PHKG1: variants seen among roughly 807,000 people sequenced by gnomAD.
PHKG1 encodes the protein phosphorylase b kinase gamma catalytic chain, skeletal muscle/heart isoform.
A neutral mutation model predicts 50.5 loss-of-function variants in PHKG1; 48 were observed. The observed-to-expected ratio is 0.95, with a 90% CI of 0.75 to 1.21. PHKG1 has a LOEUF of 1.21. Among genes scored for constraint, PHKG1 ranks in the 50% most tolerant of loss-of-function variants. The pLI, the probability that PHKG1 is intolerant of heterozygous loss-of-function variation, is 0.00. For missense variants in PHKG1, 487 were observed against 519.5 expected, an observed-to-expected ratio of 0.94 and a Z score of 0.61; for synonymous variants, 204 against 212.8, an observed-to-expected ratio of 0.96 and a Z score of 0.36.
Position 56,081,292 on chromosome 7 carries a change from G to A in PHKG1, c.926C>T (p.Ala309Val). 2 of 1,608,268 alleles carry A rather than the reference G, an allele frequency of 1.2e-6. No homozygotes were observed. Among genetic ancestry groups the A allele is most frequent in the South Asian group, 1.1e-5 (1 of 90,972 alleles). The change falls in exon 10 of 10, where the codon GCT becomes GTT. Residue 309 changes from alanine (A) to valine (V), a missense_variant. Ala to Val is a moderately conservative substitution (Grantham distance 64). Coordinates refer to ENST00000297373, the MANE Select transcript of PHKG1 (RefSeq NM_006213.5). This position sits in a 1 kb window ranked among gnomAD's most constrained non-coding sequence, Gnocchi z 4.6. ...CCGCACTGAAGCCAGCACGGTCAGA[G>A]CGATCACCTGCAGGGCCAGGCGGAG... is the stretch of plus-strand genomic sequence containing the variant. Reference protein sequence around the residue: ...FSPRGKFKVIALTVLASVRIY... With the variant: ...FSPRGKFKVIVLTVLASVRIY...
intron 1 of PHKG1, among the ~76,000 whole-genome samples, chr7:56,092,066 C>T (rs1362954683): frequency 6.6e-6 from 1 of 152,238 alleles, no homozygotes; most frequent in Admixed American, 6.5e-5. Flanking sequence ...TATGAGATGC[C>T]AGCCTAGGCG....
chr7:56,089,489 G>A (rs182312302), intron 1 of PHKG1, among the ~76,000 whole-genome samples: 333 of 151,206 alleles, frequency 2.2e-3, no homozygotes, highest in Middle Eastern at 0.011. Flanking sequence ...GCTCACTGCC[G>A]GCTCAACCAC....
In PHKG1 at chr7:56,087,513, C is replaced by T. The variant is rs557915649; in HGVS notation, c.262+85G>A. ...GCCTGGGTGGTTCTAGTTGGCTGTG[C>T]GGTGGGGCCACACTCCCTGGCTTGG... On this transcript the variant is annotated intron_variant, in intron 3 of 9. Coordinates refer to ENST00000297373, the MANE Select transcript of PHKG1 (RefSeq NM_006213.5). 1,504 of 1,347,788 alleles carry T rather than the reference C, an allele frequency of 1.1e-3. 8 individuals carry two copies. The highest frequency in any genetic ancestry group is 2.1e-3 in the South Asian group (160 of 77,830). The allele number at this position is 1,347,788 out of a possible 1,614,324, so 83.5% of individuals were successfully genotyped here. A position where few individuals can be genotyped will look rare whatever the true frequency, so the allele number is the denominator to read the frequency against.
rs1256214794 is a variant in PHKG1, at chr7:56,080,409, G to A, written c.*645C>T. ...CTCCTGAGTAGCTGGGACTACAAGT[G>A]TGCACCACCATGCCTGGCTAATTTT... is the stretch of plus-strand genomic sequence containing the variant. On this transcript the variant is annotated 3_prime_UTR_variant, in exon 10 of 10. Coordinates refer to ENST00000297373, the MANE Select transcript of PHKG1 (RefSeq NM_006213.5). 6.3e-6 allele frequency: 1 copy of A among 158,694 alleles called. No individual in the cohort carries two copies. Among genetic ancestry groups the A allele is most frequent in the African/African-American group, 2.4e-5 (1 of 41,338 alleles). 9.8% of individuals were successfully genotyped at this position (158,694 alleles called of 1,614,324 possible).
chr7:56,081,866 C>G lies in PHKG1; in HGVS notation c.792+27G>C. ...GCGCCTGGCATCGCAGCCCTGAGCC[C>G]AGGAGCCAGTTGGCCTGGCCTCTCA... On this transcript the variant is annotated intron_variant, in intron 8 of 9. Coordinates refer to ENST00000297373, the MANE Select transcript of PHKG1 (RefSeq NM_006213.5). The surrounding 1 kb of genome is among the most constrained non-coding windows in gnomAD (Gnocchi z 4.6). 1 of 1,612,352 alleles carries G rather than the reference C, an allele frequency of 6.2e-7. No homozygotes were observed.
Position 56,081,831 on chromosome 7 carries a change from C to T in PHKG1, c.792+62G>A, listed in dbSNP as rs2117537240. 10 of 1,609,012 alleles carry T rather than the reference C, an allele frequency of 6.2e-6. 1 individual carries two copies. In the South Asian group the frequency reaches 6.6e-5, roughly 11 times the overall value. ...GCATGTCAGGAAAGGCAGGGCCTCC[C>T]CGGGCAGGGGCGCCTGGCATCGCAG... On this transcript the variant is annotated intron_variant, in intron 8 of 9. Transcript: ENST00000297373. This position sits in a 1 kb window ranked among gnomAD's most constrained non-coding sequence, Gnocchi z 4.6.
At position 56,081,317 on chromosome 7, in the gene PHKG1, G is replaced by C; in HGVS notation, c.919-18C>G. ...GCGATCACCTGCAGGGCCAGGCGGA[G>C]AAGCTGGGCTGCAGCCCCCGCCCTG... is the stretch of plus-strand genomic sequence containing the variant. On this transcript the variant is annotated intron_variant, in intron 9 of 9. Coordinates refer to ENST00000297373, the MANE Select transcript of PHKG1 (RefSeq NM_006213.5). The surrounding 1 kb of genome is among the most constrained non-coding windows in gnomAD (Gnocchi z 4.6). 1 of 1,595,650 alleles carries C rather than the reference G, an allele frequency of 6.3e-7. No individual in the cohort carries two copies. Among genetic ancestry groups the C allele is most frequent in the Non-Finnish European group, 8.5e-7 (1 of 1,175,848 alleles).
At chr7:56,084,115 A>G (rs1465992919) in intron 4 of PHKG1, 2 of 1,191,968 alleles carry the variant, frequency 1.7e-6, no homozygotes, top group Admixed American at 2.0e-5. Context: ...CAGGGAAGCA[A>G]TGGGCCCCGA....
rs777517621 is a variant in PHKG1 at position 56,087,655 on chromosome 7, C to T, written c.205G>A (p.Glu69Lys). Residue 69 changes from glutamate (E) to lysine (K), a missense_variant, in exon 3 of 10, where the codon GAA becomes AAA. Physicochemically the swap from Glu to Lys is moderately conservative, Grantham distance 56. Transcript: ENST00000297373. ...FSPEEVRELR[E>K]ATLKEVDILR... ...ATGTCCACCTCCTTCAGCGTGGCTT[C>T]TCGCAGCTCCCGCACCTCCTCCGGG... is the stretch of plus-strand genomic sequence containing the variant. The T allele has an allele frequency of 2.6e-5, 42 of 1,613,904 alleles. No individual in the cohort carries two copies. In the Middle Eastern group the frequency reaches 8.2e-4, roughly 32 times the overall value.
At chr7:56,091,210 C>G (rs1796482516) in intron 1 of PHKG1, among the ~76,000 whole-genome samples, 1 of 151,454 alleles carries the variant, frequency 6.6e-6, no homozygotes, top group Non-Finnish European at 1.5e-5. Context: ...GAGTGAGACT[C>G]TGTCTCAAAA....
chr7:56,083,174 C>T (rs1796098693), intron 6 of PHKG1, 104 bp downstream of exon 6: 1 of 982,426 alleles, frequency 1.0e-6, no homozygotes, highest in Non-Finnish European at 1.5e-6. Context: ...ATTTTTATTC[C>T]AGGGAACAAT....
chr7:56,088,013 T>C (rs1425497972), intron 2 of PHKG1, among the ~76,000 whole-genome samples: 5 of 139,790 alleles, frequency 3.6e-5, no homozygotes, highest in East Asian at 4.3e-4. Flanking sequence ...TTTTTTTTTT[T>C]CCTTTTTGAG....
At chr7:56,088,779 G>A in intron 2 of PHKG1, 80 bp downstream of exon 2, 1 of 918,912 alleles carries the variant, frequency 1.1e-6, no homozygotes, top group Non-Finnish European at 1.8e-6. Flanking sequence ...TTAGTACTCG[G>A]GGTGGAGCAG....
Position 56,083,325 on chromosome 7 carries a change from G to A in PHKG1, c.500C>T (p.Thr167Ile). 5.0e-6 allele frequency: 8 copies of A among 1,614,140 alleles called. No homozygotes were observed. Among genetic ancestry groups the A allele is most frequent in the Non-Finnish European group, 6.8e-6 (8 of 1,180,026 alleles). The change falls in exon 6 of 10, where the codon ACA becomes ATA. Residue 167 changes from threonine (T) to isoleucine (I), a missense_variant. Physicochemically the swap from Thr to Ile is moderately conservative, Grantham distance 89. Coordinates refer to ENST00000297373, the MANE Select transcript of PHKG1 (RefSeq NM_006213.5). Reference sequence around the variant, plus strand: ...CAGCTGGCAGGAAAAGCCAAAGTCTGTGAGCTTGATGTTCATGTTGTCATC... The same window carrying A: ...CAGCTGGCAGGAAAAGCCAAAGTCTATGAGCTTGATGTTCATGTTGTCATC... ...LLDDNMNIKLTDFGFSCQLEP... is the reference protein window; with the variant it reads ...LLDDNMNIKLIDFGFSCQLEP...
chr7:56,089,020 G>A, intron 1 of PHKG1, 45 bp from the exon 2 acceptor site: 1 of 920,036 alleles, frequency 1.1e-6, no homozygotes, highest in Non-Finnish European at 1.8e-6. Flanking sequence ...CTGACCCAGG[G>A]GCTGTTCTCC....
intron 2 of PHKG1, chr7:56,088,551 C>T (rs923179080): frequency 6.6e-4 from 138 of 209,888 alleles, no homozygotes; most frequent in Admixed American, 3.9e-3. Context: ...GATACGGGGT[C>T]TTGCTATGTT....
In PHKG1 at chr7:56,089,368, C is replaced by T. The variant is rs555066113; in HGVS notation, c.-34-393G>A. Among the ~76,000 whole-genome samples, 19 of 151,786 alleles carry T rather than the reference C, an allele frequency of 1.3e-4. 1 individual carries two copies. Among genetic ancestry groups the T allele is most frequent in the African/African-American group, 4.6e-4 (19 of 41,416 alleles). Reference sequence around the variant, plus strand: ...TGAGCCGAGATCGCATCACTGCCCTCCAGCCTGGGCGACACAGCCAGACTC... The same window carrying T: ...TGAGCCGAGATCGCATCACTGCCCTTCAGCCTGGGCGACACAGCCAGACTC... On this transcript the variant is annotated intron_variant, in intron 1 of 9. Coordinates refer to ENST00000297373, the MANE Select transcript of PHKG1 (RefSeq NM_006213.5).
At chr7:56,085,922 C>T (rs546690343) in intron 4 of PHKG1, among the ~76,000 whole-genome samples, 11 of 149,242 alleles carry the variant, frequency 7.4e-5, no homozygotes, top group African/African-American at 2.2e-4. Flanking sequence ...TGCAGTGAGC[C>T]GAGATCGCAC....
At chr7:56,087,813 C>G in intron 2 of PHKG1, 37 bp from the exon 3 acceptor site, 3 of 1,576,446 alleles carry the variant, frequency 1.9e-6, no homozygotes, top group Non-Finnish European at 2.6e-6. Flanking sequence ...CGGGGGGCCC[C>G]TCACCCCATG....
Sources: allele counts gnomAD v4.1 joint callset (sites outside exome capture counted in the v4.1 genomes callset), GRCh38; gene constraint gnomAD v4.1.1; non-coding constraint Gnocchi (gnomAD v3.1); transcripts MANE v1.5; gene names NCBI Gene and HGNC (gene_info 2026-07-23, HGNC 2026-07-21).